The following TLK2 variants were observed in gnomAD, a reference collection of about 807,000 sequenced individuals.
TLK2 encodes the protein serine/threonine-protein kinase tousled-like 2.
In TLK2, 6 loss-of-function variants were observed where a neutral mutation model predicts 117.3. The ratio of observed to expected loss-of-function variants is 0.05; its 90% CI spans 0.03 to 0.10. TLK2 has a LOEUF of 0.10. Ranked by LOEUF, TLK2 falls within the 10% of genes least tolerant of loss-of-function variation. TLK2 has a pLI of 1.00. For synonymous variants in TLK2, 257 were observed against 316.7 expected, an observed-to-expected ratio of 0.81 and a Z score of 2.00; for missense variants, 299 against 901.2, an observed-to-expected ratio of 0.33 and a Z score of 8.56.
At chr17:62,541,822 A>G (rs1197728805) in intron 7 of TLK2, among the ~76,000 whole-genome samples, 1 of 151,768 alleles carries the variant, frequency 6.6e-6, no homozygotes, top group Non-Finnish European at 1.5e-5. Context: ...AGCCTGGGTG[A>G]CAAAGTGAGA....
chr17:62,511,252 G>A (rs539167291), intron 2 of TLK2, among the ~76,000 whole-genome samples: 2 of 152,262 alleles, frequency 1.3e-5, no homozygotes, highest in East Asian at 1.9e-4. Context: ...TTCCTGCTAC[G>A]CGTTTGTAGC....
At chr17:62,536,109 GT>G in intron 6 of TLK2, 60 bp from the exon 7 acceptor site, 7 of 1,561,732 alleles carry the variant, frequency 4.5e-6, no homozygotes, top group Non-Finnish European at 6.1e-6. Flanking sequence ...CCCGTTGCAT[GT>G]TTGGGCAGTA....
chr17:62,516,861 T>C (rs775613031), intron 2 of TLK2: 2 of 770,744 alleles, frequency 2.6e-6, no homozygotes, highest in Non-Finnish European at 4.3e-6. Flanking sequence ...TTTTTGCATG[T>C]GGTAATGGTC....
intron 10 of TLK2, among the ~76,000 whole-genome samples, chr17:62,561,296 C>T (rs1206919073): frequency 6.6e-6 from 1 of 152,190 alleles, no homozygotes; most frequent in Non-Finnish European, 1.5e-5. Flanking sequence ...CATACATGTG[C>T]ATGTGTCTTT....
chr17:62,503,812 TC>T (rs1175457156), intron 2 of TLK2, among the ~76,000 whole-genome samples: 3 of 149,488 alleles, frequency 2.0e-5, no homozygotes, highest in African/African-American at 7.4e-5. Context: ...CACTGCAGCC[TC>T]CCCCTCCCAG....
chr17:62,602,082 A>G lies in TLK2; in HGVS notation c.1761A>G (p.Ile587Met). The G allele has an allele frequency of 6.2e-7, 1 of 1,613,156 alleles. No homozygotes were observed. Among genetic ancestry groups the G allele is most frequent in the Non-Finnish European group, 8.5e-7 (1 of 1,179,738 alleles). Reference protein sequence around the residue: ...LLVNGTACGEIKITDFGLSKI... With the variant: ...LLVNGTACGEMKITDFGLSKI... Reference sequence around the variant, plus strand: ...TAAATGGTACAGCGTGTGGAGAGATAAAAATTACAGATTTTGGTCTTTCGA... The same window carrying G: ...TAAATGGTACAGCGTGTGGAGAGATGAAAATTACAGATTTTGGTCTTTCGA... The change falls in exon 19 of 22, where the codon ATA (isoleucine) becomes ATG (methionine). Residue 587 changes from isoleucine to methionine, a missense_variant. Ile to Met is a conservative substitution (Grantham distance 10, BLOSUM62 1). Around this residue, in one of 4 missense-constraint regions of TLK2, gnomAD observed 81 missense variants for 370.9 expected, o/e 0.22. Transcript: ENST00000346027.
chr17:62,508,168 G>GTTT lies in TLK2; in HGVS notation c.82-12588_82-12586dup, dbSNP rs34268998. Among the ~76,000 whole-genome samples, 709 of 125,712 alleles carry GTTT rather than the reference G, an allele frequency of 5.6e-3. 30 individuals are homozygous for GTTT. The highest frequency in any genetic ancestry group is 0.014 in the Middle Eastern group (3 of 212). The allele number at this position is 125,712 out of a possible 152,430, so 82.5% of individuals were successfully genotyped here. A position where few individuals can be genotyped will look rare whatever the true frequency, so the allele number is the denominator to read the frequency against. ...ACCAGTAAATTAAAAAAATTTCCTA[G>GTTT]TTTTTTTTTTTTTTTTTTTGAGTCT... On this transcript the variant is annotated intron_variant, in intron 2 of 21. Coordinates refer to ENST00000346027, the MANE Select transcript of TLK2 (RefSeq NM_006852.6).
intron 16 of TLK2, among the ~76,000 whole-genome samples, chr17:62,596,213 C>CCA (rs2082470123): frequency 6.6e-6 from 1 of 152,118 alleles, no homozygotes; most frequent in Non-Finnish European, 1.5e-5. Context: ...GTAGCTGGGA[C>CCA]CACAGGTGCG....
At chr17:62,481,951 A>G (rs934610529) in intron 2 of TLK2, among the ~76,000 whole-genome samples, 14 of 148,818 alleles carry the variant, frequency 9.4e-5, no homozygotes, top group Non-Finnish European at 2.1e-4. Context: ...GAGCTACTGA[A>G]TTTTTTTTTT....
At chr17:62,535,493 A>C (rs1294001263) in intron 6 of TLK2, among the ~76,000 whole-genome samples, 3 of 152,232 alleles carry the variant, frequency 2.0e-5, no homozygotes, top group East Asian at 3.9e-4. Context: ...CAGGCCAGGC[A>C]CGGTGGCTCA....
intron 2 of TLK2, among the ~76,000 whole-genome samples, chr17:62,489,173 ACGTGTGTG>A (rs992996091): frequency 2.0e-4 from 14 of 69,042 alleles, no homozygotes; most frequent in Admixed American, 1.8e-3. Context: ...ATTTAATTGT[ACGTGTGTG>A]TGTGTGTGTG....
rs1321742908 is a variant in TLK2, at chr17:62,568,653, C to T, written c.968+3516C>T. Among the ~76,000 whole-genome samples, 4 of 151,918 alleles carry T rather than the reference C, an allele frequency of 2.6e-5. 1 individual carries two copies. The highest frequency in any genetic ancestry group is 4.8e-5 in the African/African-American group (2 of 41,368). On this transcript the variant is annotated intron_variant, in intron 11 of 21. Transcript: ENST00000346027. ...AGGCTGCAGTGCAGTGGTGCAATCT[C>T]GGCTCACTGCAACCTCTGCCTCCCG...
chr17:62,555,483 ATTT>A (rs35222378), intron 9 of TLK2, among the ~76,000 whole-genome samples: 4 of 140,612 alleles, frequency 2.8e-5, no homozygotes, highest in Non-Finnish European at 3.1e-5. Flanking sequence ...ATTATTATTA[ATTT>A]TTTTTTTTTT....
Position 62,472,067 on chromosome 17 carries a change from C to T in TLK2, c.-205+989C>T, listed in dbSNP as rs145326175. Reference sequence around the variant, plus strand: ...ACTACAGGCGCCCCCCCACCATGTCCGGCTAATTTTTTGTGTTTTTAGTAG... The same window carrying T: ...ACTACAGGCGCCCCCCCACCATGTCTGGCTAATTTTTTGTGTTTTTAGTAG... On this transcript the variant is annotated intron_variant, in intron 1 of 4. Coordinates refer to the TLK2 transcript ENST00000579450. 4.3e-3 allele frequency among the ~76,000 whole-genome samples: 651 copies of T among 150,900 alleles called. 2 individuals carry two copies. Among genetic ancestry groups the T allele is most frequent in the African/African-American group, 0.015 (624 of 41,152 alleles).
chr17:62,604,725 A>T (rs965934449), intron 19 of TLK2, among the ~76,000 whole-genome samples: 4 of 151,644 alleles, frequency 2.6e-5, no homozygotes, highest in African/African-American at 9.7e-5. Context: ...CCTGGCCAAC[A>T]TGGTGAAACC....
chr17:62,498,329 A>G (rs940532669), intron 2 of TLK2, among the ~76,000 whole-genome samples: 12 of 152,132 alleles, frequency 7.9e-5, no homozygotes, highest in Non-Finnish European at 1.5e-4. Context: ...CATGTAATGA[A>G]TTAGAAAGTT....
Position 62,488,820 on chromosome 17 carries a change from A to ATT in TLK2, c.81+7636_81+7637dup, listed in dbSNP as rs36026309. Among the ~76,000 whole-genome samples, 556 of 99,644 alleles carry ATT rather than the reference A, an allele frequency of 5.6e-3. 1 individual carries two copies. The highest frequency in any genetic ancestry group is 6.6e-3 in the East Asian group (25 of 3,804). 65.4% of individuals were successfully genotyped at this position (99,644 alleles called of 152,430 possible). On this transcript the variant is annotated intron_variant, in intron 2 of 21. Transcript: ENST00000346027. Reference sequence around the variant, plus strand: ...CTTGGTCAGTACGAGGGCCTTGAAGATTTTTTTTTTTTTTTTTTTTTTTGA... The same window carrying ATT: ...CTTGGTCAGTACGAGGGCCTTGAAGATTTTTTTTTTTTTTTTTTTTTTTTTGA...
At position 62,538,770 on chromosome 17, in the gene TLK2, C is replaced by T. The variant is rs2077296797; in HGVS notation, c.531+2433C>T. Among the ~76,000 whole-genome samples the T allele has an allele frequency of 4.6e-5, 7 of 152,194 alleles. No homozygotes were observed. The South Asian group carries it at 1.4e-3, about 31-fold the overall frequency. Reference sequence around the variant, plus strand: ...AGTATGAAAACCAAAAGTCTAAATGCTCTGGTACAGTTTTGTTTCTCTTTG... The same window carrying T: ...AGTATGAAAACCAAAAGTCTAAATGTTCTGGTACAGTTTTGTTTCTCTTTG... On this transcript the variant is annotated intron_variant, in intron 7 of 21. Coordinates refer to ENST00000346027, the MANE Select transcript of TLK2 (RefSeq NM_006852.6).
Position 62,493,009 on chromosome 17 carries a change from A to G in TLK2, c.81+11803A>G, listed in dbSNP as rs143175474. ...GCTACTTAGGAGGCTGATGCAAGAG[A>G]ATCACTTGAACCGGGAGGTGGAGGT... On this transcript the variant is annotated intron_variant, in intron 2 of 21. Coordinates refer to ENST00000346027, the MANE Select transcript of TLK2 (RefSeq NM_006852.6). 7.5e-3 allele frequency among the ~76,000 whole-genome samples: 1,143 copies of G among 152,222 alleles called. 8 individuals carry two copies. Among genetic ancestry groups the G allele is most frequent in the South Asian group, 0.021 (103 of 4,822 alleles).
Sources: allele counts gnomAD v4.1 joint callset (sites outside exome capture counted in the v4.1 genomes callset), GRCh38; gene constraint gnomAD v4.1.1; regional missense constraint gnomAD v4.1.1; transcripts MANE v1.5; gene names NCBI Gene and HGNC (gene_info 2026-07-23, HGNC 2026-07-21).